Variants in CR1L observed in about 807,000 individuals in gnomAD.
The protein encoded by CR1L is complement component receptor 1-like protein.
In CR1L, 59 loss-of-function variants were observed where a neutral mutation model predicts 62.3. The observed-to-expected ratio is 0.95, with a 90% CI of 0.77 to 1.18. CR1L has a LOEUF of 1.18. Ranked by LOEUF, CR1L falls within the 50% of genes most tolerant of loss-of-function variation. The probability of loss-of-function intolerance (pLI) is 0.00; values close to 1 mark genes in which losing one functional copy is unlikely to be tolerated. For missense variants in CR1L, 700 were observed against 702.8 expected (o/e 1.00, Z 0.04); for synonymous variants, 279 against 248.7 (o/e 1.12, Z -1.15).
At position 207,645,217 on chromosome 1, in the gene CR1L, G is replaced by A. The variant is rs781521991; in HGVS notation, c.-17G>A. On this transcript the variant is annotated 5_prime_UTR_variant, in exon 1 of 12. Coordinates refer to ENST00000508064, the MANE Select transcript of CR1L (RefSeq NM_175710.2). ...CTGCTCACCTCCGGATAAATCACGG[G>A]GTCTCCCGCGCCGCTCATGGCGCCT... The A allele has an allele frequency of 6.5e-5, 105 of 1,611,818 alleles. No homozygotes were observed. The highest frequency in any genetic ancestry group is 2.0e-4 in the Middle Eastern group (1 of 4,912).
chr1:207,670,848 C>T (rs956773188), intron 1 of CR1L, among the ~76,000 whole-genome samples: 1 of 151,082 alleles, frequency 6.6e-6, no homozygotes, highest in Admixed American at 6.6e-5. Context: ...TCACAATAAC[C>T]TCCAAATGTG....
chr1:207,665,070 T>C (rs1663494558), intron 1 of CR1L, among the ~76,000 whole-genome samples: 1 of 152,246 alleles, frequency 6.6e-6, no homozygotes, highest in South Asian at 2.1e-4. Context: ...TGGTTTTTTT[T>C]TGAGACGGAG....
At chr1:207,712,437 T>C (rs1664373309) in intron 10 of CR1L, among the ~76,000 whole-genome samples, 1 of 152,332 alleles carries the variant, frequency 6.6e-6, no homozygotes, top group Middle Eastern at 3.4e-3. Context: ...CTCTACCTTT[T>C]ACTAACTATG....
intron 4 of CR1L, among the ~76,000 whole-genome samples, chr1:207,693,914 A>C (rs1324231873): frequency 5.3e-5 from 8 of 152,206 alleles, no homozygotes; most frequent in Non-Finnish European, 1.0e-4. Context: ...ATTCATAAAA[A>C]TGTTTAAATT....
intron 4 of CR1L, among the ~76,000 whole-genome samples, chr1:207,688,179 G>T (rs1663940202): frequency 6.6e-6 from 1 of 152,198 alleles, no homozygotes; most frequent in African/African-American, 2.4e-5. Context: ...GGGAGCCTGA[G>T]GTGGGAGGAT....
At chr1:207,667,688 A>G (rs1046510148) in intron 1 of CR1L, among the ~76,000 whole-genome samples, 4 of 152,198 alleles carry the variant, frequency 2.6e-5, no homozygotes, top group African/African-American at 9.7e-5. Flanking sequence ...ATGATTGTAC[A>G]CATTTATGGG....
intron 10 of CR1L, chr1:207,709,344 T>G (rs1390472633): frequency 6.5e-6 from 1 of 154,868 alleles, no homozygotes; most frequent in African/African-American, 2.4e-5. Context: ...AGGTCAAGGC[T>G]GCAATGAGCC....
At chr1:207,665,304 T>C (rs977510836) in intron 1 of CR1L, among the ~76,000 whole-genome samples, 3 of 152,234 alleles carry the variant, frequency 2.0e-5, no homozygotes, top group African/African-American at 7.2e-5. Context: ...TCCATCTGCC[T>C]TGGTATCCCA....
chr1:207,669,622 G>A (rs1000215624), intron 1 of CR1L: 5 of 1,079,742 alleles, frequency 4.6e-6, no homozygotes, highest in Admixed American at 4.3e-5. Flanking sequence ...CCAGGGCCCC[G>A]CAGAGAACTC....
At chr1:207,671,469 C>T (rs1663614328) in intron 1 of CR1L, among the ~76,000 whole-genome samples, 1 of 150,710 alleles carries the variant, frequency 6.6e-6, no homozygotes, top group Admixed American at 6.6e-5. Flanking sequence ...AGAGGGTACT[C>T]CTACTACCCA....
intron 1 of CR1L, among the ~76,000 whole-genome samples, chr1:207,663,246 G>A (rs1663453909): frequency 6.6e-6 from 1 of 152,200 alleles, no homozygotes; most frequent in Non-Finnish European, 1.5e-5. Context: ...CCCAGAGGTG[G>A]AGCCTACAGA....
chr1:207,714,758 G>C (rs1653951072), intron 10 of CR1L, among the ~76,000 whole-genome samples: 1 of 152,154 alleles, frequency 6.6e-6, no homozygotes, highest in African/African-American at 2.4e-5. Flanking sequence ...AGCATTTCAG[G>C]GTGGCAAAGA....
At chr1:207,711,466 G>A (rs780930505) in intron 10 of CR1L, 2 of 154,256 alleles carry the variant, frequency 1.3e-5, no homozygotes, top group East Asian at 1.9e-4. Context: ...GGCAGATGGC[G>A]ATGAAAGCAA....
chr1:207,671,544 G>A (rs1217300222), intron 1 of CR1L, among the ~76,000 whole-genome samples: 2 of 150,910 alleles, frequency 1.3e-5, no homozygotes, highest in South Asian at 2.1e-4. Flanking sequence ...TGCAAACTTA[G>A]GGCAACTACT....
intron 1 of CR1L, among the ~76,000 whole-genome samples, chr1:207,666,748 G>T (rs1442494289): frequency 6.6e-6 from 1 of 152,112 alleles, no homozygotes; most frequent in Non-Finnish European, 1.5e-5. Flanking sequence ...AATAACTAAT[G>T]GTACTAGGCT....
rs796344775 is a variant in CR1L, at chr1:207,666,499, C to T, written c.98-10890C>T. Among the ~76,000 whole-genome samples, 20 of 152,278 alleles carry T rather than the reference C, an allele frequency of 1.3e-4. 1 individual carries two copies. Among genetic ancestry groups the T allele is most frequent in the African/African-American group, 4.8e-4 (20 of 41,560 alleles). ...GGATAAAGAAAATGTGCTACATATC[C>T]ACCATGGAATACTATGCAGCCATAA... On this transcript the variant is annotated intron_variant, in intron 1 of 11. Coordinates refer to ENST00000508064, the MANE Select transcript of CR1L (RefSeq NM_175710.2).
At chr1:207,671,551 T>C (rs892431504) in intron 1 of CR1L, among the ~76,000 whole-genome samples, 1 of 150,884 alleles carries the variant, frequency 6.6e-6, no homozygotes, top group Non-Finnish European at 1.5e-5. Flanking sequence ...TTAGGGCAAC[T>C]ACTGAAAAAA....
chr1:207,693,409 C>T (rs1027049206), intron 4 of CR1L, among the ~76,000 whole-genome samples: 5 of 152,208 alleles, frequency 3.3e-5, no homozygotes, highest in South Asian at 2.1e-4. Context: ...TGAGCCACCA[C>T]GCCAGGCCTG....
At chr1:207,655,851 C>T (rs1406515415) in intron 1 of CR1L, among the ~76,000 whole-genome samples, 1 of 152,188 alleles carries the variant, frequency 6.6e-6, no homozygotes, top group Admixed American at 6.5e-5. Flanking sequence ...GCATTGTTCA[C>T]ATTTTTTGCA....
Sources: gnomAD v4.1 joint callset for allele counts (sites outside exome capture counted in the v4.1 genomes callset) on GRCh38, gnomAD v4.1.1 for gene constraint, MANE v1.5 for transcripts, NCBI Gene and HGNC (gene_info 2026-07-23, HGNC 2026-07-21) for gene names.